The following ADAMTSL5 variants were observed in gnomAD, a reference collection of about 807,000 sequenced individuals.
ADAMTSL5 encodes the protein ADAMTS-like protein 5.
ADAMTSL5 carries 53 observed loss-of-function variants against 51.7 expected under a neutral mutation model. That is an observed-to-expected ratio of 1.03 (90% CI 0.82 to 1.29). ADAMTSL5 has a LOEUF of 1.29. ADAMTSL5 is among the 50% of genes most tolerant of loss of function. The probability of loss-of-function intolerance (pLI) is 0.00; values close to 1 mark genes in which losing one functional copy is unlikely to be tolerated. For missense variants in ADAMTSL5, 770 were observed against 676.2 expected, an observed-to-expected ratio of 1.14 and a Z score of -1.54; for synonymous variants, 285 against 278.7, an observed-to-expected ratio of 1.02 and a Z score of -0.23.
At chr19:1,508,602 C>A in intron 5 of ADAMTSL5, 32 bp from the exon 6 acceptor site, 1 of 1,486,572 alleles carries the variant, frequency 6.7e-7, no homozygotes, top group Admixed American at 2.2e-5. Context: ...GGGCCGGGGA[C>A]CCCTGTTCGA....
In ADAMTSL5 at chr19:1,506,155, A is replaced by G; in HGVS notation, c.1276T>C (p.Tyr426His). 6.2e-7 allele frequency: 1 copy of G among 1,609,010 alleles called. No homozygotes were observed. The highest frequency in any genetic ancestry group is 8.5e-7 in the Non-Finnish European group (1 of 1,177,718). ...PCPMLAPHRD[Y>H]LMAVQRLVSP... Reference sequence around the variant, plus strand: ...ACAAGACGCTGGACAGCCATCAGGTAGTCCCGGTGGGGTGCCAGCATCGGG... The same window carrying G: ...ACAAGACGCTGGACAGCCATCAGGTGGTCCCGGTGGGGTGCCAGCATCGGG... The change falls in exon 12 of 12, where the codon TAC (tyrosine) becomes CAC (histidine). Residue 426 changes from tyrosine to histidine, a missense_variant. By Grantham distance (83) the Tyr-to-His change is moderately conservative. Coordinates refer to ENST00000330475, the MANE Select transcript of ADAMTSL5 (RefSeq NM_213604.3). This position sits in a 1 kb window ranked among gnomAD's most constrained non-coding sequence, Gnocchi z 5.6.
At chr19:1,507,526 C>CG (rs1568241915) in intron 8 of ADAMTSL5, 31 bp downstream of exon 8, 1 of 1,612,234 alleles carries the variant, frequency 6.2e-7, no homozygotes, top group African/African-American at 1.3e-5. Flanking sequence ...GGTGCCCAGC[C>CG]GGGTGCCTCT....
intron 8 of ADAMTSL5, 58 bp from the exon 9 acceptor site, chr19:1,507,463 T>G: frequency 6.2e-7 from 1 of 1,606,342 alleles, no homozygotes; most frequent in Middle Eastern, 1.7e-4. Context: ...GACCCTGGGG[T>G]CCCCTCCTCA....
At chr19:1,510,548 C>T (rs1599289863) in intron 3 of ADAMTSL5, 91 bp downstream of exon 3, 1 of 1,485,128 alleles carries the variant, frequency 6.7e-7, no homozygotes, top group Non-Finnish European at 9.0e-7. Context: ...TTAAAGGGCA[C>T]AGCATGTGTG....
rs553874207 is a variant in ADAMTSL5, at chr19:1,510,753, G to A, written c.100-23C>T. 24 of 1,528,006 alleles carry A rather than the reference G, an allele frequency of 1.6e-5. No individual in the cohort carries two copies. The African/African-American group carries it at 1.8e-4, about 12-fold the overall frequency. The allele number at this position is 1,528,006 out of a possible 1,614,324, so 94.7% of individuals were successfully genotyped here. A position where few individuals can be genotyped will look rare whatever the true frequency, so the allele number is the denominator to read the frequency against. ...ACCCTACTTGGGGAGACAGAGGCAC[G>A]GTCAGCCTTGTAGGGGGACGCTGGT... On this transcript the variant is annotated intron_variant, in intron 2 of 11. Transcript: ENST00000330475.
Position 1,505,794 on chromosome 19 carries a change from G to T in ADAMTSL5, c.*221C>A. The T allele has an allele frequency of 2.0e-6, 1 of 493,972 alleles. No homozygotes were observed. The highest frequency in any genetic ancestry group is 3.4e-6 in the Non-Finnish European group (1 of 292,090). 30.6% of individuals were successfully genotyped at this position (493,972 alleles called of 1,614,324 possible). ...GGAGAGAGGCGAAATAAAAGTCAGA[G>T]TCTCCTTAGTGCCTCCTCACCAGTG... On this transcript the variant is annotated 3_prime_UTR_variant, in exon 12 of 12. Transcript: ENST00000330475.
rs768122681 is a variant in ADAMTSL5, at chr19:1,508,535, C to T, written c.397G>A (p.Gly133Arg). Residue 133 changes from glycine to arginine, a missense_variant, in exon 6 of 12, where the codon GGG becomes AGG. By Grantham distance (125) the Gly-to-Arg change is moderately radical (BLOSUM62 -2). Transcript: ENST00000330475. ...NQCDLNCLAE[G>R]HAFYHSFGRV... ...CCGAAGCTGTGGTAGAAGGCGTGCC[C>T]CTCAGCCAGGCAGTTGAGGTCGCAC... is the stretch of plus-strand genomic sequence containing the variant. The T allele has an allele frequency of 7.0e-6, 11 of 1,581,546 alleles. No individual in the cohort carries two copies. Among genetic ancestry groups the T allele is most frequent in the African/African-American group, 1.3e-5 (1 of 74,484 alleles).
intron 7 of ADAMTSL5, 91 bp from the exon 8 acceptor site, chr19:1,507,734 A>G: frequency 7.5e-7 from 1 of 1,326,786 alleles, no homozygotes; most frequent in Non-Finnish European, 1.1e-6. Context: ...CGGGTAAGAC[A>G]GCTAGCCAGG....
Position 1,505,984 on chromosome 19 carries a change from T to C in ADAMTSL5, c.*31A>G. 6.6e-7 allele frequency: 1 copy of C among 1,506,454 alleles called. No homozygotes were observed. The highest frequency in any genetic ancestry group is 1.3e-5 in the South Asian group (1 of 76,900). 93.3% of individuals were successfully genotyped at this position (1,506,454 alleles called of 1,614,324 possible). A position where few individuals can be genotyped will look rare whatever the true frequency, so the allele number is the denominator to read the frequency against. On this transcript the variant is annotated 3_prime_UTR_variant, in exon 12 of 12. Transcript: ENST00000330475. ...TGAGGCTGGTCAGATGTATCTTTCT[T>C]GCTGTGTGTGGCCGGGGCTCCTGCA...
chr19:1,508,214 G>C, intron 6 of ADAMTSL5, 105 bp from the exon 7 acceptor site: 2 of 1,343,592 alleles, frequency 1.5e-6, no homozygotes, highest in Non-Finnish European at 2.1e-6. Flanking sequence ...AGGGAAGATG[G>C]GGGTGGAGCC....
intron 6 of ADAMTSL5, 127 bp from the exon 7 acceptor site, chr19:1,508,236 A>C: frequency 2.6e-6 from 3 of 1,134,914 alleles, no homozygotes; most frequent in Non-Finnish European, 3.6e-6. Context: ...AGGGAGGAGC[A>C]GGACCTGGCG....
At chr19:1,509,574 T>G (rs1222506255) in intron 5 of ADAMTSL5, among the ~76,000 whole-genome samples, 7 of 107,742 alleles carry the variant, frequency 6.5e-5, no homozygotes, top group South Asian at 3.0e-4. Context: ...TCTGCGGGGG[T>G]GGGATCACAG....
Position 1,510,762 on chromosome 19 carries a change from T to C in ADAMTSL5, c.100-32A>G, listed in dbSNP as rs565298726. 51 of 1,522,448 alleles carry C rather than the reference T, an allele frequency of 3.3e-5. No individual in the cohort carries two copies. In the African/African-American group the frequency reaches 6.6e-4, roughly 20 times the overall value. The allele number at this position is 1,522,448 out of a possible 1,614,324, so 94.3% of individuals were successfully genotyped here. A position where few individuals can be genotyped will look rare whatever the true frequency, so the allele number is the denominator to read the frequency against. On this transcript the variant is annotated intron_variant, in intron 2 of 11. Transcript: ENST00000330475. Reference sequence around the variant, plus strand: ...GGGGAGACAGAGGCACGGTCAGCCTTGTAGGGGGACGCTGGTGACCCCACA... The same window carrying C: ...GGGGAGACAGAGGCACGGTCAGCCTCGTAGGGGGACGCTGGTGACCCCACA...
rs928353309 is a variant in ADAMTSL5 at position 1,511,591 on chromosome 19, C to G, written c.-217-431G>C. 8 of 1,263,514 alleles carry G rather than the reference C, an allele frequency of 6.3e-6. No homozygotes were observed. In the African/African-American group the frequency reaches 1.1e-4, roughly 17 times the overall value. 78.3% of individuals were successfully genotyped at this position (1,263,514 alleles called of 1,614,324 possible). Reference sequence around the variant, plus strand: ...ACAGGTGCCTCCTAGGGCTGGGGCCCCCTCCCCGCCCTCCCCACCATCACT... The same window carrying G: ...ACAGGTGCCTCCTAGGGCTGGGGCCGCCTCCCCGCCCTCCCCACCATCACT... On this transcript the variant is annotated intron_variant, in intron 1 of 11. Transcript: ENST00000330475.
intron 3 of ADAMTSL5, 72 bp from the exon 4 acceptor site, chr19:1,510,500 C>T: frequency 6.6e-7 from 1 of 1,521,180 alleles, no homozygotes; most frequent in Admixed American, 2.0e-5. Context: ...CCCTCCGCCC[C>T]CGCCAACCCC....
rs1037869534 is a variant in ADAMTSL5, at chr19:1,508,366, G to A, written c.489+77C>T. 16 of 1,435,396 alleles carry A rather than the reference G, an allele frequency of 1.1e-5. No homozygotes were observed. In the East Asian group the frequency reaches 4.0e-4, roughly 36 times the overall value. 88.9% of individuals were successfully genotyped at this position (1,435,396 alleles called of 1,614,324 possible). A position where few individuals can be genotyped will look rare whatever the true frequency, so the allele number is the denominator to read the frequency against. On this transcript the variant is annotated intron_variant, in intron 6 of 11. Coordinates refer to ENST00000330475, the MANE Select transcript of ADAMTSL5 (RefSeq NM_213604.3). ...GGGGGTGGAGGCTAATGGGAGGAGG[G>A]CGGAGGTGGAGCCTAGGATGGGTGG...
intron 5 of ADAMTSL5, chr19:1,508,929 TTCAA>T (rs764719938): frequency 1.4e-4 from 25 of 176,732 alleles, no homozygotes; most frequent in Non-Finnish European, 2.7e-4. Flanking sequence ...GAAGCAAGAA[TTCAA>T]TCAGTGTGCA....
intron 7 of ADAMTSL5, 50 bp downstream of exon 7, chr19:1,507,948 T>A (rs1257014109): frequency 6.6e-7 from 1 of 1,526,590 alleles, no homozygotes; most frequent in Non-Finnish European, 8.9e-7. Flanking sequence ...CACGGCTCGT[T>A]AAAGGGCCCA....
At chr19:1,508,217 G>C in intron 6 of ADAMTSL5, 108 bp from the exon 7 acceptor site, 3 of 1,328,200 alleles carry the variant, frequency 2.3e-6, no homozygotes, top group Non-Finnish European at 3.1e-6. Flanking sequence ...GAAGATGGGG[G>C]TGGAGCCTAG....
Sources: gnomAD v4.1 joint callset for allele counts (sites outside exome capture counted in the v4.1 genomes callset) on GRCh38, gnomAD v4.1.1 for gene constraint, Gnocchi (gnomAD v3.1) non-coding constraint, MANE v1.5 for transcripts, NCBI Gene and HGNC (gene_info 2026-07-23, HGNC 2026-07-21) for gene names.